The following GMCL1 variants were observed in gnomAD, a reference collection of about 807,000 sequenced individuals.
The protein encoded by GMCL1 is germ cell-less protein-like 1.
A neutral mutation model predicts 75.5 loss-of-function variants in GMCL1; 54 were observed. That is an observed-to-expected ratio of 0.71 (90% confidence interval 0.57 to 0.90). The LOEUF is 0.90. Among genes scored for constraint, GMCL1 ranks in the 40% least tolerant of loss-of-function variants. The pLI is 0.00. For missense variants in GMCL1, 537 were observed against 622.7 expected (o/e 0.86, Z 1.47); for synonymous variants, 210 against 209.6 (o/e 1.00, Z -0.02).
At chr2:69,832,333 G>A (rs1248192916) in intron 1 of GMCL1, among the ~76,000 whole-genome samples, 2 of 152,166 alleles carry the variant, frequency 1.3e-5, no homozygotes, top group Non-Finnish European at 2.9e-5. Flanking sequence ...TGACAAATAT[G>A]AGAACAAACA....
In GMCL1 at chr2:69,837,654, A is replaced by G. The variant is rs150320251; in HGVS notation, c.368A>G (p.Lys123Arg). 1,423 of 1,597,454 alleles carry G rather than the reference A, an allele frequency of 8.9e-4. 2 individuals are homozygous for G. The highest frequency in any genetic ancestry group is 1.1e-3 in the Non-Finnish European group (1,244 of 1,175,766). Residue 123 changes from lysine (K) to arginine (R), a missense_variant, in exon 2 of 14, where the codon AAA becomes AGA. Lys to Arg is a conservative substitution (Grantham distance 26). Transcript: ENST00000282570. ...CTAGGAGAAGAATGGAGCTTACACAAAATATATTTATGTCAAGTAAGTATT... is the reference window on the plus strand; with the variant it reads ...CTAGGAGAAGAATGGAGCTTACACAGAATATATTTATGTCAAGTAAGTATT... ...CALGEEWSLHKIYLCQSGYFS... is the reference protein window; with the variant it reads ...CALGEEWSLHRIYLCQSGYFS...
intron 8 of GMCL1, among the ~76,000 whole-genome samples, chr2:69,852,056 A>T (rs1675333426): frequency 6.6e-6 from 1 of 152,350 alleles, no homozygotes; most frequent in Middle Eastern, 3.4e-3. Flanking sequence ...GAAATTATAG[A>T]GGAGAAAAGT....
intron 1 of GMCL1, among the ~76,000 whole-genome samples, chr2:69,831,552 C>T (rs1674672295): frequency 1.3e-5 from 2 of 152,112 alleles, no homozygotes. Flanking sequence ...GCCACCATGC[C>T]TGACCCTGTA....
chr2:69,845,702 T>C (rs1004901903), intron 6 of GMCL1, among the ~76,000 whole-genome samples: 2 of 152,240 alleles, frequency 1.3e-5, no homozygotes, highest in Admixed American at 1.3e-4. Context: ...GATTTTGTCA[T>C]GGTCTCTTGC....
At chr2:69,853,371 A>G (rs1394346134) in intron 8 of GMCL1, among the ~76,000 whole-genome samples, 1 of 152,204 alleles carries the variant, frequency 6.6e-6, no homozygotes, top group Non-Finnish European at 1.5e-5. Context: ...TGCTGACTCT[A>G]GGCAGGTGCC....
At chr2:69,859,102 C>T (rs1424740918) in intron 9 of GMCL1, among the ~76,000 whole-genome samples, 6 of 146,692 alleles carry the variant, frequency 4.1e-5, no homozygotes, top group African/African-American at 7.6e-5. Flanking sequence ...ACCCAGATCG[C>T]GCCACCACAC....
chr2:69,866,766 A>G (rs60248458), intron 11 of GMCL1, among the ~76,000 whole-genome samples: 31,596 of 151,722 alleles, frequency 0.21, 3,438 homozygotes, highest in African/African-American at 0.26. Flanking sequence ...CACCCAGCCT[A>G]TGTTTGCCTT....
chr2:69,857,803 G>GT (rs1675522058), intron 9 of GMCL1, among the ~76,000 whole-genome samples: 1 of 152,068 alleles, frequency 6.6e-6, no homozygotes, highest in Non-Finnish European at 1.5e-5. Context: ...TGTAGGCTTA[G>GT]TTTTTTGCTA....
In GMCL1 at chr2:69,870,884, G is replaced by T. The variant is rs1028436340; in HGVS notation, c.1365-861G>T. ...AAAAACAACAAAAGTAACAGGTGTT[G>T]GCAAGGATGTGGAGTATTTAGAACC... On this transcript the variant is annotated intron_variant, in intron 12 of 13. Coordinates refer to ENST00000282570, the MANE Select transcript of GMCL1 (RefSeq NM_178439.5). 2.0e-5 allele frequency among the ~76,000 whole-genome samples: 3 copies of T among 152,190 alleles called. No individual in the cohort carries two copies. In the East Asian group the frequency reaches 5.8e-4, roughly 29 times the overall value.
chr2:69,836,005 C>T (rs1165740635), intron 1 of GMCL1, among the ~76,000 whole-genome samples: 2 of 152,160 alleles, frequency 1.3e-5, no homozygotes, highest in African/African-American at 4.8e-5. Context: ...TCTAGAAAAA[C>T]CTTGGAATCT....
chr2:69,872,794 C>T (rs1247579989), intron 13 of GMCL1, among the ~76,000 whole-genome samples: 1 of 152,198 alleles, frequency 6.6e-6, no homozygotes, highest in East Asian at 1.9e-4. Context: ...CTTGTAACCT[C>T]TGCAGCTGAA....
At position 69,829,970 on chromosome 2, in the gene GMCL1, G is replaced by T; in HGVS notation, c.78G>T (p.Gly26=). 6.3e-7 allele frequency: 1 copy of T among 1,586,964 alleles called. No homozygotes were observed. The highest frequency in any genetic ancestry group is 8.6e-7 in the Non-Finnish European group (1 of 1,166,402). ...AGCAGGCGCAGGGTGCCAGGGCGGG[G>T]GGCTCGGCCCGGAGGCCGGACACTG... ...LAQQAQGARA[G]GSARRPDTGD... Residue 26 remains glycine (G), a synonymous_variant, in exon 1 of 14, where the codon GGG becomes GGT. Transcript: ENST00000282570.
intron 1 of GMCL1, among the ~76,000 whole-genome samples, chr2:69,832,670 A>G (rs1419283931): frequency 4.6e-5 from 7 of 152,210 alleles, no homozygotes; most frequent in Non-Finnish European, 1.5e-5. Context: ...TAAACAGCAT[A>G]TAGTTGAGTC....
chr2:69,842,532 C>T (rs145905662), intron 4 of GMCL1, among the ~76,000 whole-genome samples: 495 of 152,182 alleles, frequency 3.3e-3, no homozygotes, highest in African/African-American at 7.8e-3. Context: ...AACTCTTTAA[C>T]TTAATATACC....
rs1676210033 is a variant in GMCL1 at position 69,879,160 on chromosome 2, A to G, written c.*156A>G. The G allele has an allele frequency of 5.2e-6, 3 of 572,956 alleles. No homozygotes were observed. Among genetic ancestry groups the G allele is most frequent in the African/African-American group, 3.8e-5 (2 of 52,820 alleles). 35.5% of individuals were successfully genotyped at this position (572,956 alleles called of 1,614,324 possible). A position where few individuals can be genotyped will look rare whatever the true frequency, so the allele number is the denominator to read the frequency against. On this transcript the variant is annotated 3_prime_UTR_variant, in exon 14 of 14. Transcript: ENST00000282570. The stretch of plus-strand genomic sequence containing the variant: ...ATGACAAAGGCCTTATGAACTGTAC[A>G]GACAATACAGAAGATTATTCTTATC...
rs1487583943 is a variant in GMCL1, at chr2:69,861,265, T to G, written c.1073-13T>G. The G allele has an allele frequency of 1.3e-6, 2 of 1,556,490 alleles. No homozygotes were observed. The highest frequency in any genetic ancestry group is 2.3e-5 in the South Asian group (2 of 86,870). ...TCGTTATTTATTATTATTAATTTAT[T>G]CTTACATTTCAGAATGGCTCTCTTC... On this transcript the variant is annotated splice_polypyrimidine_tract_variant and intron_variant, in intron 9 of 13. Coordinates refer to ENST00000282570, the MANE Select transcript of GMCL1 (RefSeq NM_178439.5).
intron 7 of GMCL1, among the ~76,000 whole-genome samples, chr2:69,848,620 A>T (rs889967777): frequency 6.6e-6 from 1 of 152,172 alleles, no homozygotes; most frequent in Non-Finnish European, 1.5e-5. Flanking sequence ...AGGTGGGAGG[A>T]TCACCTGAGC....
In GMCL1 at chr2:69,851,166, GTGGCTCATGCCTGTAATCCCAGCACTT is replaced by G. The variant is rs1378263347; in HGVS notation, c.934+1428_934+1454del. 3.3e-5 allele frequency among the ~76,000 whole-genome samples: 5 copies of G among 152,158 alleles called. No homozygotes were observed. In the South Asian group the frequency reaches 1.0e-3, roughly 32 times the overall value. On this transcript the variant is annotated intron_variant, in intron 8 of 13. Coordinates refer to ENST00000282570, the MANE Select transcript of GMCL1 (RefSeq NM_178439.5). The stretch of plus-strand genomic sequence containing the variant: ...AAAGATGTCTTTTTGGTTGGGTGCC[GTGGCTCATGCCTGTAATCCCAGCACTT>G]TGGGAGGTCAAGGCAGGAGGCTCAC...
intron 1 of GMCL1, among the ~76,000 whole-genome samples, chr2:69,835,498 T>G (rs72895242): frequency 0.069 from 10,483 of 151,846 alleles, 953 homozygotes; most frequent in Admixed American, 0.22. Context: ...TCCACTTATA[T>G]TTAAGAAGGA....
Sources: gnomAD v4.1 joint callset for allele counts (sites outside exome capture counted in the v4.1 genomes callset) on GRCh38, gnomAD v4.1.1 for gene constraint, MANE v1.5 for transcripts, NCBI Gene and HGNC (gene_info 2026-07-23, HGNC 2026-07-21) for gene names.